Variants in OSBPL1A observed in about 807,000 individuals in gnomAD.
OSBPL1A encodes oxysterol binding protein like 1A, also known as oxysterol-binding protein-related protein 1.
In OSBPL1A, 80 loss-of-function variants were observed where a neutral mutation model predicts 137.1. The ratio of observed to expected loss-of-function variants is 0.58; its 90% CI spans 0.49 to 0.70. OSBPL1A has a LOEUF of 0.70. Among genes scored for constraint, OSBPL1A ranks in the 30% least tolerant of loss-of-function variants. The pLI, the probability that OSBPL1A is intolerant of heterozygous loss-of-function variation, is 0.00. For missense variants in OSBPL1A, 970 were observed against 1,129.4 expected, an observed-to-expected ratio of 0.86 and a Z score of 2.02; for synonymous variants, 365 against 389.7, an observed-to-expected ratio of 0.94 and a Z score of 0.75.
chr18:24,166,546 T>C, intron 26 of OSBPL1A, 33 bp downstream of exon 26: 1 of 1,580,268 alleles, frequency 6.3e-7, no homozygotes, highest in Non-Finnish European at 8.6e-7. Context: ...GAGAAATGAG[T>C]CTTCACTGGT....
chr18:24,238,482 A>AT (rs534424874), intron 16 of OSBPL1A, among the ~76,000 whole-genome samples: 72 of 152,170 alleles, frequency 4.7e-4, no homozygotes, highest in African/African-American at 1.5e-3. Flanking sequence ...TGCATTCCCC[A>AT]TTTTTTTAGC....
At chr18:24,368,536 G>A (rs900895972) in intron 2 of OSBPL1A, 164 bp from the exon 3 acceptor site, 14 of 581,978 alleles carry the variant, frequency 2.4e-5, no homozygotes, top group South Asian at 2.3e-4. Context: ...TGTAAAGGAC[G>A]AGAACTCACA....
rs189236825 is a variant in OSBPL1A at position 24,265,986 on chromosome 18, G to A, written c.1281+14856C>T. 1.7e-3 allele frequency among the ~76,000 whole-genome samples: 266 copies of A among 152,202 alleles called. 1 individual carries two copies. The highest frequency in any genetic ancestry group is 3.2e-3 in the Non-Finnish European group (215 of 68,008). The stretch of plus-strand genomic sequence containing the variant: ...CACAAGTTCCTTTTAAGATATTTTC[G>A]TGAGAATAAAACATGGAAACTGACA... On this transcript the variant is annotated intron_variant, in intron 15 of 27. Transcript: ENST00000319481.
intron 15 of OSBPL1A, among the ~76,000 whole-genome samples, chr18:24,244,313 AAAG>A (rs2088815721): frequency 6.6e-6 from 1 of 152,226 alleles, no homozygotes; most frequent in South Asian, 2.1e-4. Context: ...GTTATTACTA[AAAG>A]AATAAATAAC....
chr18:24,225,252 G>GT (rs2088038027), intron 16 of OSBPL1A, 54 bp from the exon 17 acceptor site: 1 of 1,589,080 alleles, frequency 6.3e-7, no homozygotes, highest in Non-Finnish European at 8.6e-7. Context: ...TGAGGCTTCC[G>GT]TAACAATGGA....
At chr18:24,220,464 C>T (rs541596346) in intron 17 of OSBPL1A, among the ~76,000 whole-genome samples, 3 of 152,210 alleles carry the variant, frequency 2.0e-5, no homozygotes, top group Admixed American at 6.5e-5. Context: ...GGCAGGGAGC[C>T]GGGAGATAAA....
At position 24,165,049 on chromosome 18, in the gene OSBPL1A, T is replaced by C; in HGVS notation, c.2750+16A>G. 1 of 1,613,854 alleles carries C rather than the reference T, an allele frequency of 6.2e-7. No homozygotes were observed. On this transcript the variant is annotated intron_variant, in intron 27 of 27. Transcript: ENST00000319481. ...TGCCTGAGGGCTCAGCCACACCCCCTGACTCAGGCACGCACCTCGTCTTCC... is the reference window on the plus strand; with the variant it reads ...TGCCTGAGGGCTCAGCCACACCCCCCGACTCAGGCACGCACCTCGTCTTCC...
chr18:24,302,235 A>AG (rs1430355736), intron 14 of OSBPL1A, among the ~76,000 whole-genome samples: 1 of 106,518 alleles, frequency 9.4e-6, no homozygotes. Context: ...CTCCATCTCA[A>AG]GAAAAAAAAA....
chr18:24,265,257 A>G (rs1353179564), intron 15 of OSBPL1A, among the ~76,000 whole-genome samples: 3 of 152,222 alleles, frequency 2.0e-5, no homozygotes, highest in African/African-American at 7.2e-5. Context: ...AGGTGGGTGG[A>G]TCACCTGAGG....
At chr18:24,370,657 G>A (rs962819848) in intron 2 of OSBPL1A, among the ~76,000 whole-genome samples, 2 of 152,084 alleles carry the variant, frequency 1.3e-5, no homozygotes, top group African/African-American at 4.8e-5. Context: ...AACTTATCCA[G>A]CCCCCAGCTC....
chr18:24,359,424 C>T (rs530088111), intron 4 of OSBPL1A, among the ~76,000 whole-genome samples: 3 of 151,826 alleles, frequency 2.0e-5, no homozygotes, highest in Non-Finnish European at 2.9e-5. Flanking sequence ...CTCAGCTGGG[C>T]GTGGTGGCTC....
Position 24,271,723 on chromosome 18 carries a change from C to A in OSBPL1A, c.1281+9119G>T, listed in dbSNP as rs8092643. On this transcript the variant is annotated intron_variant, in intron 15 of 27. Coordinates refer to ENST00000319481, the MANE Select transcript of OSBPL1A (RefSeq NM_080597.4). This position sits in a 1 kb window ranked among gnomAD's most constrained non-coding sequence, Gnocchi z 4.0. ...CCTGCTCCTCCTCCTCCCCTCCAGTCGAGCCGAGGCGAGCCGATCCGGGAG... is the reference window on the plus strand; with the variant it reads ...CCTGCTCCTCCTCCTCCCCTCCAGTAGAGCCGAGGCGAGCCGATCCGGGAG... 20,601 of 985,044 alleles carry A rather than the reference C, an allele frequency of 0.021. 3,083 individuals are homozygous for A. The African/African-American group carries it at 0.32, about 15-fold the overall frequency. The allele number at this position is 985,044 out of a possible 1,614,324, so 61.0% of individuals were successfully genotyped here.
At chr18:24,389,374 A>G (rs756795777) in intron 1 of OSBPL1A, among the ~76,000 whole-genome samples, 26 of 152,210 alleles carry the variant, frequency 1.7e-4, no homozygotes, top group Non-Finnish European at 3.8e-4. Flanking sequence ...TTAGACTTCT[A>G]ATTTTTAAAT....
At chr18:24,303,594 A>G in intron 14 of OSBPL1A, 43 bp downstream of exon 14, 2 of 1,480,346 alleles carry the variant, frequency 1.4e-6, no homozygotes, top group Non-Finnish European at 1.9e-6. Flanking sequence ...GTCAGTATCT[A>G]TGTGTTAAAG....
chr18:24,209,855 G>A (rs1272167222), intron 17 of OSBPL1A, among the ~76,000 whole-genome samples: 1 of 152,212 alleles, frequency 6.6e-6, no homozygotes, highest in African/African-American at 2.4e-5. Flanking sequence ...AGCAGTGGCT[G>A]TCTACGGAGA....
At chr18:24,301,923 CAT>C (rs1376336039) in intron 14 of OSBPL1A, among the ~76,000 whole-genome samples, 5 of 152,132 alleles carry the variant, frequency 3.3e-5, no homozygotes, top group African/African-American at 4.8e-5. Context: ...AGGAAACTAA[CAT>C]GTGATTAAAA....
intron 13 of OSBPL1A, among the ~76,000 whole-genome samples, chr18:24,311,709 GGTCT>G (rs1451299715): frequency 6.6e-6 from 1 of 152,080 alleles, no homozygotes; most frequent in Non-Finnish European, 1.5e-5. Context: ...ACAAAATGAC[GGTCT>G]GTTAACAGCA....
intron 7 of OSBPL1A, among the ~76,000 whole-genome samples, chr18:24,323,327 T>C (rs2146128600): frequency 6.8e-6 from 1 of 146,924 alleles, no homozygotes; most frequent in Middle Eastern, 3.8e-3. Context: ...CTGAGGTGGG[T>C]GGATCGCTTG....
intron 11 of OSBPL1A, among the ~76,000 whole-genome samples, chr18:24,316,304 A>G (rs2090733986): frequency 6.6e-6 from 1 of 152,054 alleles, no homozygotes; most frequent in African/African-American, 2.4e-5. Context: ...ACCCACAATT[A>G]CCTGACATAT....
Sources: allele counts gnomAD v4.1 joint callset (sites outside exome capture counted in the v4.1 genomes callset), GRCh38; gene constraint gnomAD v4.1.1; non-coding constraint Gnocchi (gnomAD v3.1); transcripts MANE v1.5; gene names NCBI Gene and HGNC (gene_info 2026-07-23, HGNC 2026-07-21).